Variants in CACNA1B observed in about 807,000 individuals in gnomAD.
The protein encoded by CACNA1B is voltage-dependent N-type calcium channel subunit alpha-1B.
Under a neutral mutation model 247.2 loss-of-function variants are expected in CACNA1B, and 70 were observed. That is an observed-to-expected ratio of 0.28 (90% CI 0.23 to 0.35). The LOEUF (loss-of-function observed/expected upper bound fraction) is 0.35. Among genes scored for constraint, CACNA1B ranks in the 10% least tolerant of loss-of-function variants. CACNA1B has a pLI of 1.00. For missense variants in CACNA1B, 2,367 were observed against 3,197.4 expected (o/e 0.74, Z 6.26); for synonymous variants, 1,231 against 1,294.4 (o/e 0.95, Z 1.05).
rs116659558 is a variant in CACNA1B at position 138,057,783 on chromosome 9, G to C, written c.4020G>C (p.Gln1340His). The change falls in exon 27 of 47, where the codon CAG (glutamine) becomes CAC (histidine). Residue 1340 changes from glutamine to histidine, a missense_variant. Gln to His is a conservative substitution (Grantham distance 24). Coordinates refer to ENST00000371372, the MANE Select transcript of CACNA1B (RefSeq NM_000718.4). This position sits in a 1 kb window ranked among gnomAD's most constrained non-coding sequence, Gnocchi z 4.0. ...AGGAAGTGGAAGCTCAGCCCAGGCA[G>C]TGGAAGAAATACGACTTTCACTACG... Reference protein sequence around the residue: ...EKEEVEAQPRQWKKYDFHYDN... With the variant: ...EKEEVEAQPRHWKKYDFHYDN... 6.2e-7 allele frequency: 1 copy of C among 1,612,846 alleles called. No individual in the cohort carries two copies. The highest frequency in any genetic ancestry group is 1.3e-5 in the African/African-American group (1 of 74,924).
rs941530491 is a variant in CACNA1B, at chr9:137,952,624, T to A, written c.1070+247T>A. 4.0e-5 allele frequency among the ~76,000 whole-genome samples: 6 copies of A among 151,728 alleles called. No homozygotes were observed. Among genetic ancestry groups the A allele is most frequent in the Non-Finnish European group, 5.9e-5 (4 of 67,950 alleles). ...TTCCGTGGTCTCTGCCATGGGAGAG[T>A]AGCTGCCACTACTCATCTGGGTAGA... On this transcript the variant is annotated intron_variant, in intron 7 of 46. Coordinates refer to ENST00000371372, the MANE Select transcript of CACNA1B (RefSeq NM_000718.4). This position sits in a 1 kb window ranked among gnomAD's most constrained non-coding sequence, Gnocchi z 4.8.
At position 138,059,778 on chromosome 9, in the gene CACNA1B, G is replaced by GT. The variant is rs1959657289; in HGVS notation, c.4668+44dup. On this transcript the variant is annotated intron_variant, in intron 31 of 46. Transcript: ENST00000371372. The surrounding 1 kb of genome is among the most constrained non-coding windows in gnomAD (Gnocchi z 4.2). ...GTCCCTCCTTCAGGGTCCCCAGGTGGTTTCCTTCTAGAGCCTGCTCCCCTC... is the reference window on the plus strand; with the variant it reads ...GTCCCTCCTTCAGGGTCCCCAGGTGGTTTTCCTTCTAGAGCCTGCTCCCCTC... 9 of 1,223,154 alleles carry GT rather than the reference G, an allele frequency of 7.4e-6. 1 individual carries two copies. Among genetic ancestry groups the GT allele is most frequent in the Non-Finnish European group, 1.1e-5 (9 of 824,120 alleles). 75.8% of individuals were successfully genotyped at this position (1,223,154 alleles called of 1,614,324 possible). A position where few individuals can be genotyped will look rare whatever the true frequency, so the allele number is the denominator to read the frequency against.
intron 3 of CACNA1B, among the ~76,000 whole-genome samples, chr9:137,886,093 T>C (rs545058330): frequency 1.6e-4 from 24 of 151,818 alleles, no homozygotes; most frequent in African/African-American, 5.8e-4. Context: ...GGCCGTCTCC[T>C]GTGGTCGTCT....
intron 18 of CACNA1B, among the ~76,000 whole-genome samples, chr9:138,021,421 A>T (rs1470589636): frequency 6.6e-6 from 1 of 152,186 alleles, no homozygotes; most frequent in African/African-American, 2.4e-5. Context: ...CTGGACTTCT[A>T]CAAAGGGGCA....
chr9:138,008,032 A>G (rs1958676024), intron 16 of CACNA1B, among the ~76,000 whole-genome samples: 1 of 152,184 alleles, frequency 6.6e-6, no homozygotes, highest in African/African-American at 2.4e-5. Context: ...CTTAGGCTGC[A>G]GCTCAGGGCC....
intron 15 of CACNA1B, among the ~76,000 whole-genome samples, chr9:138,004,578 C>T (rs938584966): frequency 6.6e-6 from 1 of 150,512 alleles, no homozygotes; most frequent in Admixed American, 6.6e-5. Context: ...AATGGAGAAA[C>T]CTCAAAGCTG....
Position 138,111,861 on chromosome 9 carries a change from C to T in CACNA1B, c.5429-537C>T, listed in dbSNP as rs1961646155. 3.3e-5 allele frequency among the ~76,000 whole-genome samples: 5 copies of T among 152,256 alleles called. No homozygotes were observed. In the South Asian group the frequency reaches 1.0e-3, roughly 32 times the overall value. On this transcript the variant is annotated intron_variant, in intron 39 of 46. Coordinates refer to ENST00000371372, the MANE Select transcript of CACNA1B (RefSeq NM_000718.4). The stretch of plus-strand genomic sequence containing the variant: ...CTCGGGAGACTGATGGCCGTCCTGT[C>T]CACAGCCGCAGCCCTGCTGATATTC...
intron 10 of CACNA1B, among the ~76,000 whole-genome samples, chr9:137,962,313 A>ATT (rs59632918): frequency 0.031 from 3,929 of 128,052 alleles, 88 homozygotes; most frequent in African/African-American, 0.065. Context: ...TATTTTATTA[A>ATT]TTTTTTTTTT....
At chr9:138,001,486 C>T (rs1007052248) in intron 15 of CACNA1B, among the ~76,000 whole-genome samples, 74 of 151,572 alleles carry the variant, frequency 4.9e-4, no homozygotes, top group Non-Finnish European at 1.2e-4. Context: ...TTAAAAGAGA[C>T]CATAGCAAGG....
In CACNA1B at chr9:138,010,892, A is replaced by T. The variant is rs1340392240; in HGVS notation, c.2160+815A>T. 6.6e-6 allele frequency among the ~76,000 whole-genome samples: 1 copy of T among 152,126 alleles called. No homozygotes were observed. Among genetic ancestry groups the T allele is most frequent in the Non-Finnish European group, 1.5e-5 (1 of 67,994 alleles). On this transcript the variant is annotated intron_variant, in intron 17 of 46. Coordinates refer to ENST00000371372, the MANE Select transcript of CACNA1B (RefSeq NM_000718.4). The surrounding 1 kb of genome is among the most constrained non-coding windows in gnomAD (Gnocchi z 5.3). ...AGAGGCAGGTTCAGGATTTCTGTCC[A>T]TGGGCAGCAGAGATGCAGGTGTGCC...
intron 3 of CACNA1B, among the ~76,000 whole-genome samples, chr9:137,897,407 C>T (rs952999179): frequency 3.9e-5 from 6 of 152,110 alleles, no homozygotes; most frequent in Non-Finnish European, 2.9e-5. Flanking sequence ...TGGTGAAACC[C>T]CATCTCTACT....
rs904793678 is a variant in CACNA1B, at chr9:138,072,072, C to T, written c.4675-1416C>T. Among the ~76,000 whole-genome samples the T allele has an allele frequency of 3.9e-5, 6 of 152,210 alleles. No homozygotes were observed. In the East Asian group the frequency reaches 5.8e-4, roughly 15 times the overall value. ...TTCTTTCCCTGGCACAAGCAGATTA[C>T]GGAGCTACAGGTACACTTGTGCTGC... On this transcript the variant is annotated intron_variant, in intron 32 of 46. Coordinates refer to ENST00000371372, the MANE Select transcript of CACNA1B (RefSeq NM_000718.4). This position sits in a 1 kb window ranked among gnomAD's most constrained non-coding sequence, Gnocchi z 4.5.
At chr9:137,924,343 C>T (rs1381163862) in intron 6 of CACNA1B, among the ~76,000 whole-genome samples, 3 of 148,398 alleles carry the variant, frequency 2.0e-5, no homozygotes, top group Admixed American at 6.7e-5. Context: ...CTTCCTTCCT[C>T]CTTCCCTCCC....
At chr9:137,922,038 A>T (rs908537454) in intron 6 of CACNA1B, among the ~76,000 whole-genome samples, 2 of 149,252 alleles carry the variant, frequency 1.3e-5, no homozygotes, top group African/African-American at 5.0e-5. Flanking sequence ...TTCGGAGAAC[A>T]TGATCAGCAC....
At position 138,022,999 on chromosome 9, in the gene CACNA1B, G is replaced by A; in HGVS notation, c.2268-12G>A. On this transcript the variant is annotated splice_polypyrimidine_tract_variant and intron_variant, in intron 18 of 46. Coordinates refer to ENST00000371372, the MANE Select transcript of CACNA1B (RefSeq NM_000718.4). The stretch of plus-strand genomic sequence containing the variant: ...GCAGACGGGGCCGCGCTCACCGCCA[G>A]TCTCCCCGCAGCAGGCAGCAGAACT... 1 of 1,486,164 alleles carries A rather than the reference G, an allele frequency of 6.7e-7. No homozygotes were observed. 92.1% of individuals were successfully genotyped at this position (1,486,164 alleles called of 1,614,324 possible).
rs1267645569 is a variant in CACNA1B at position 138,072,960 on chromosome 9, C to T, written c.4675-528C>T. Among the ~76,000 whole-genome samples the T allele has an allele frequency of 6.6e-6, 1 of 152,226 alleles. No individual in the cohort carries two copies. The highest frequency in any genetic ancestry group is 1.5e-5 in the Non-Finnish European group (1 of 68,042). ...GGAGCAGCCTCAGAGGAAGTGTTTGCCCCTCTGCCAGGTCCCAGCGAGGGT... is the reference window on the plus strand; with the variant it reads ...GGAGCAGCCTCAGAGGAAGTGTTTGTCCCTCTGCCAGGTCCCAGCGAGGGT... On this transcript the variant is annotated intron_variant, in intron 32 of 46. Coordinates refer to ENST00000371372, the MANE Select transcript of CACNA1B (RefSeq NM_000718.4). The surrounding 1 kb of genome is among the most constrained non-coding windows in gnomAD (Gnocchi z 4.5).
chr9:138,094,620 C>T (rs1384687778), intron 36 of CACNA1B, among the ~76,000 whole-genome samples: 1 of 151,994 alleles, frequency 6.6e-6, no homozygotes, highest in Non-Finnish European at 1.5e-5. Flanking sequence ...GAATATTGAT[C>T]CAAAGATCAT....
intron 3 of CACNA1B, among the ~76,000 whole-genome samples, chr9:137,896,887 A>G (rs1163200174): frequency 6.6e-6 from 1 of 151,932 alleles, no homozygotes; most frequent in Non-Finnish European, 1.5e-5. Context: ...ATTTAGTCCA[A>G]CTCGTTGAAT....
intron 1 of CACNA1B, among the ~76,000 whole-genome samples, chr9:137,878,788 G>C (rs1293024324): frequency 6.6e-6 from 1 of 152,184 alleles, no homozygotes; most frequent in Non-Finnish European, 1.5e-5. Context: ...CGGGCCGGAG[G>C]CGCTGTCCGC....
Sources: allele counts gnomAD v4.1 joint callset (sites outside exome capture counted in the v4.1 genomes callset), GRCh38; gene constraint gnomAD v4.1.1; non-coding constraint Gnocchi (gnomAD v3.1); transcripts MANE v1.5; gene names NCBI Gene and HGNC (gene_info 2026-07-23, HGNC 2026-07-21).